Variants in C11orf65 observed in about 807,000 individuals in gnomAD.
The protein encoded by C11orf65 is chromosome 11 open reading frame 65.
C11orf65 carries 38 observed loss-of-function variants against 35.3 expected under a neutral mutation model. That is an observed-to-expected ratio of 1.08 (90% CI 0.83 to 1.41). C11orf65 has a LOEUF of 1.41. Among genes scored for constraint, C11orf65 ranks in the 40% most tolerant of loss-of-function variants. The pLI is 0.00. For missense variants in C11orf65, 370 were observed against 367.1 expected, an observed-to-expected ratio of 1.01 and a Z score of -0.06; for synonymous variants, 105 against 114.4, an observed-to-expected ratio of 0.92 and a Z score of 0.53.
rs116047570 is a variant in C11orf65 at position 108,331,862 on chromosome 11, T to C, written c.300-295A>G. ...TTTTTGTTTATTTGCATAAATCTAA[T>C]AGTTCTTTTCTTACAGCTAATCTCT... On this transcript the variant is annotated intron_variant, in intron 3 of 3. Coordinates refer to the C11orf65 transcript ENST00000524755. 4.5e-4 allele frequency: 730 copies of C among 1,611,998 alleles called. 4 individuals carry two copies. In the African/African-American group the frequency reaches 7.9e-3, roughly 17 times the overall value.
intron 6 of C11orf65, among the ~76,000 whole-genome samples, chr11:108,401,890 TAACATA>T (rs2092445897): frequency 6.6e-6 from 1 of 152,198 alleles, no homozygotes; most frequent in South Asian, 2.1e-4. Flanking sequence ...AACAGACCAT[TAACATA>T]ATTTCTGGCC....
intron 2 of C11orf65, among the ~76,000 whole-genome samples, chr11:108,451,242 G>A (rs1443407294): frequency 2.0e-5 from 3 of 151,954 alleles, no homozygotes; most frequent in Non-Finnish European, 4.4e-5. Flanking sequence ...CGACATGATT[G>A]TATATTTAGA....
At position 108,331,570 on chromosome 11, in the gene C11orf65, G is replaced by A. The variant is rs563651647; in HGVS notation, c.300-3C>T. On this transcript the variant is annotated splice_region_variant and splice_polypyrimidine_tract_variant and intron_variant, in intron 3 of 3. Transcript: ENST00000524755. ...AGTCCTCAATAATGTAAGTAAACCTGAAAATCAAACCACAATAATTATTTT... is the reference window on the plus strand; with the variant it reads ...AGTCCTCAATAATGTAAGTAAACCTAAAAATCAAACCACAATAATTATTTT... 183 of 1,600,668 alleles carry A rather than the reference G, an allele frequency of 1.1e-4. 1 individual carries two copies. The South Asian group carries it at 2.0e-3, about 17-fold the overall frequency.
intron 3 of C11orf65, among the ~76,000 whole-genome samples, chr11:108,332,604 A>G (rs1227023765): frequency 6.6e-6 from 1 of 152,152 alleles, no homozygotes; most frequent in African/African-American, 2.4e-5. Context: ...TCTTTGATGT[A>G]TTTCATTTAT....
At chr11:108,322,218 A>G (rs960091198) in intron 6 of C11orf65, among the ~76,000 whole-genome samples, 5 of 151,938 alleles carry the variant, frequency 3.3e-5, no homozygotes, top group African/African-American at 7.3e-5. Flanking sequence ...GTCATGGTAT[A>G]ATCTCAGCTC....
intron 2 of C11orf65, among the ~76,000 whole-genome samples, chr11:108,453,677 G>T (rs1454374117): frequency 1.3e-5 from 2 of 152,148 alleles, no homozygotes; most frequent in African/African-American, 4.8e-5. Context: ...GTGATCACAT[G>T]CTTTTTGTCC....
Position 108,310,332 on chromosome 11 carries a change from T to G in C11orf65, c.641-1261A>C, listed in dbSNP as rs2136020727. On this transcript the variant is annotated intron_variant, in intron 6 of 6. Coordinates refer to the C11orf65 transcript ENST00000525729. ...AGAGAAAAGGTAATGGAATTTAGAA[T>G]TTTTGGTTTTTAAAATTAATGTTGG... 1.9e-6 allele frequency: 3 copies of G among 1,609,632 alleles called. No homozygotes were observed. Among genetic ancestry groups the G allele is most frequent in the Non-Finnish European group, 2.5e-6 (3 of 1,176,990 alleles).
chr11:108,363,212 T>A (rs227093), intron 2 of C11orf65, among the ~76,000 whole-genome samples: 74,845 of 151,930 alleles, frequency 0.49, 20,030 homozygotes, highest in Middle Eastern at 0.72. Flanking sequence ...GGGACATCAT[T>A]TCTTTCCTCT....
chr11:108,411,967 G>A (rs934618563), intron 3 of C11orf65, among the ~76,000 whole-genome samples: 1 of 151,430 alleles, frequency 6.6e-6, no homozygotes, highest in African/African-American at 2.4e-5. Flanking sequence ...GTAGAGACGG[G>A]GTTTCACCAC....
At position 108,325,411 on chromosome 11, in the gene C11orf65, C is replaced by T; in HGVS notation, c.641-16340G>A. On this transcript the variant is annotated intron_variant, in intron 6 of 6. Transcript: ENST00000525729. Reference sequence around the variant, plus strand: ...TTTAGTTTTCAGGAGCCTATCATGGCTCTACGCACAGTCATTTTGGAGATC... The same window carrying T: ...TTTAGTTTTCAGGAGCCTATCATGGTTCTACGCACAGTCATTTTGGAGATC... The T allele has an allele frequency of 1.2e-6, 2 of 1,613,790 alleles. No homozygotes were observed. Among genetic ancestry groups the T allele is most frequent in the Non-Finnish European group, 1.7e-6 (2 of 1,179,852 alleles).
At chr11:108,417,705 T>C (rs1478506430) in intron 3 of C11orf65, among the ~76,000 whole-genome samples, 1 of 145,900 alleles carries the variant, frequency 6.9e-6, no homozygotes. Context: ...ATAATGGGAG[T>C]TGAACAATGA....
intron 2 of C11orf65, among the ~76,000 whole-genome samples, chr11:108,356,538 C>CT (rs201856561): frequency 6.0e-5 from 6 of 99,342 alleles, no homozygotes; most frequent in African/African-American, 1.9e-4. Context: ...CTCTGTCTGT[C>CT]TTAAAAAAAA....
rs377581959 is a variant in C11orf65, at chr11:108,422,000, C to T, written c.174+9746G>A. Among the ~76,000 whole-genome samples the T allele has an allele frequency of 5.3e-5, 8 of 152,160 alleles. No individual in the cohort carries two copies. The South Asian group carries it at 8.3e-4, about 16-fold the overall frequency. On this transcript the variant is annotated intron_variant, in intron 3 of 8. Transcript: ENST00000393084. ...GGGTTGGTGTGCAGTGGCGCAATCTCGGCTTGCTGCAACCTCTGCCTCCCT... is the reference window on the plus strand; with the variant it reads ...GGGTTGGTGTGCAGTGGCGCAATCTTGGCTTGCTGCAACCTCTGCCTCCCT...
intron 3 of C11orf65, among the ~76,000 whole-genome samples, chr11:108,427,447 C>T (rs533837989): frequency 0.019 from 3 of 154 alleles, no homozygotes; most frequent in African/African-American, 0.029. Context: ...CTCGGCCGGG[C>T]GCGGGCTGAC....
rs1565608982 is a variant in C11orf65, at chr11:108,365,370, G to A, written c.226+27838C>T. Reference sequence around the variant, plus strand: ...ACAAAGTAGCTGAACGTGTCTTAATGAGACTACAAGAGAAACTGAAAGGAG... The same window carrying A: ...ACAAAGTAGCTGAACGTGTCTTAATAAGACTACAAGAGAAACTGAAAGGAG... On this transcript the variant is annotated intron_variant, in intron 2 of 3. Transcript: ENST00000524755. 1.2e-6 allele frequency: 2 copies of A among 1,614,024 alleles called. No individual in the cohort carries two copies.
intron 2 of C11orf65, among the ~76,000 whole-genome samples, chr11:108,446,096 G>A (rs987580074): frequency 2.0e-5 from 3 of 152,132 alleles, no homozygotes; most frequent in African/African-American, 7.2e-5. Flanking sequence ...AGAATAAAAA[G>A]AAACGAACAA....
chr11:108,373,481 T>C (rs933698514), intron 2 of C11orf65, among the ~76,000 whole-genome samples: 1 of 152,194 alleles, frequency 6.6e-6, no homozygotes, highest in African/African-American at 2.4e-5. Flanking sequence ...TTCCTAGCCA[T>C]GCAGTAATGT....
At chr11:108,354,094 C>A (rs1329493039) in intron 2 of C11orf65, among the ~76,000 whole-genome samples, 1 of 151,502 alleles carries the variant, frequency 6.6e-6, no homozygotes, top group African/African-American at 2.4e-5. Context: ...CACACACACA[C>A]ACACACACAC....
Position 108,308,656 on chromosome 11 carries a change from A to G in C11orf65, c.*315T>C, listed in dbSNP as rs4988063. On this transcript the variant is annotated 3_prime_UTR_variant, in exon 7 of 7. Coordinates refer to the C11orf65 transcript ENST00000525729. ...TTGAATAGGTAGGAATCGATGTCTC[A>G]TAAGTGTGTATGGTGGTGGTAGGGG... 1,367 of 248,224 alleles carry G rather than the reference A, an allele frequency of 5.5e-3. 8 individuals carry two copies. The highest frequency in any genetic ancestry group is 8.7e-3 in the East Asian group (98 of 11,280). 15.4% of individuals were successfully genotyped at this position (248,224 alleles called of 1,614,324 possible).
Sources: gnomAD v4.1 joint callset for allele counts (sites outside exome capture counted in the v4.1 genomes callset) on GRCh38, gnomAD v4.1.1 for gene constraint, MANE v1.5 for transcripts, NCBI Gene and HGNC (gene_info 2026-07-23, HGNC 2026-07-21) for gene names.